Variants in IL15 observed in about 807,000 individuals in gnomAD.
IL15 encodes the protein interleukin-15.
IL15 carries 11 observed loss-of-function variants against 19.6 expected under a neutral mutation model. The observed-to-expected ratio is 0.56, with a 90% confidence interval of 0.35 to 0.93. IL15 has a LOEUF of 0.93. IL15 is among the 40% of genes least tolerant of loss of function. The pLI is 0.01. For synonymous variants in IL15, 58 were observed against 59.6 expected, an observed-to-expected ratio of 0.97 and a Z score of 0.12; for missense variants, 197 against 186.5, an observed-to-expected ratio of 1.06 and a Z score of -0.33.
intron 7 of IL15, among the ~76,000 whole-genome samples, chr4:141,731,961 T>G (rs944248277): frequency 6.6e-6 from 1 of 152,190 alleles, no homozygotes; most frequent in Non-Finnish European, 1.5e-5. Context: ...ATGGCTCAGT[T>G]CAACCAATGG....
intron 1 of IL15, among the ~76,000 whole-genome samples, chr4:141,638,981 C>T (rs185921243): frequency 6.6e-6 from 1 of 152,298 alleles, no homozygotes; most frequent in Non-Finnish European, 1.5e-5. Flanking sequence ...GTTAGCTGAT[C>T]ATAATACAGA....
chr4:141,691,734 C>T (rs923885594), intron 2 of IL15, among the ~76,000 whole-genome samples: 1 of 152,212 alleles, frequency 6.6e-6, no homozygotes, highest in African/African-American at 2.4e-5. Context: ...AGACCTTGGG[C>T]ATCCCTACTG....
chr4:141,665,221 C>T (rs931039191), intron 2 of IL15, among the ~76,000 whole-genome samples: 5 of 152,012 alleles, frequency 3.3e-5, no homozygotes, highest in African/African-American at 1.2e-4. Context: ...CCTGTGTTGA[C>T]TTTTTAAGAA....
At chr4:141,682,825 G>A (rs1044080363) in intron 2 of IL15, among the ~76,000 whole-genome samples, 2 of 152,148 alleles carry the variant, frequency 1.3e-5, no homozygotes, top group African/African-American at 2.4e-5. Context: ...GGGTGTGGTG[G>A]CGGGCGCCTG....
At chr4:141,638,033 G>C (rs1423802764) in intron 1 of IL15, among the ~76,000 whole-genome samples, 1 of 152,146 alleles carries the variant, frequency 6.6e-6, no homozygotes, top group African/African-American at 2.4e-5. Flanking sequence ...CCAGTTTATA[G>C]TGAGCTATAT....
chr4:141,653,546 A>G (rs1727485368), intron 1 of IL15, among the ~76,000 whole-genome samples: 1 of 152,028 alleles, frequency 6.6e-6, no homozygotes, highest in Admixed American at 6.6e-5. Context: ...ATATTTAACC[A>G]TCCCCCTTTC....
chr4:141,675,150 GA>G (rs112525176), intron 2 of IL15, among the ~76,000 whole-genome samples: 5,900 of 139,510 alleles, frequency 0.042, 382 homozygotes, highest in African/African-American at 0.15. Flanking sequence ...GAGACAATTT[GA>G]AAAAAAAAAA....
At chr4:141,683,027 T>C (rs1484490762) in intron 2 of IL15, among the ~76,000 whole-genome samples, 1 of 150,904 alleles carries the variant, frequency 6.6e-6, no homozygotes, top group Non-Finnish European at 1.5e-5. Flanking sequence ...TCTCAACACT[T>C]TGGGAGGCTG....
Position 141,729,911 on chromosome 4 carries a change from C to A in IL15, c.305C>A (p.Ser102Tyr). Residue 102 changes from serine to tyrosine, a missense_variant, in exon 7 of 8, where the codon TCC becomes TAC. Ser to Tyr is a moderately radical substitution (Grantham distance 144). Transcript: ENST00000320650. ...LLELQVISLE[S>Y]GDASIHDTVE... ...GAGTTACAAGTTATTTCACTTGAGT[C>A]CGGAGATGCAAGTATTCATGATACA... The A allele has an allele frequency of 1.3e-6, 2 of 1,585,782 alleles. No homozygotes were observed. The highest frequency in any genetic ancestry group is 1.7e-6 in the Non-Finnish European group (2 of 1,154,354).
At chr4:141,706,539 T>C (rs1729522500) in intron 2 of IL15, among the ~76,000 whole-genome samples, 1 of 152,118 alleles carries the variant, frequency 6.6e-6, no homozygotes, top group Non-Finnish European at 1.5e-5. Context: ...ACGTTTTTAT[T>C]ATAGTAATAA....
chr4:141,732,599 A>G, intron 7 of IL15, 139 bp from the exon 8 acceptor site: 2 of 1,103,470 alleles, frequency 1.8e-6, no homozygotes. Flanking sequence ...AGTTCTTCCT[A>G]ATATGCTATT....
chr4:141,703,736 GAAAAAA>G (rs569683867), intron 2 of IL15, among the ~76,000 whole-genome samples: 1 of 92,800 alleles, frequency 1.1e-5, no homozygotes, highest in Admixed American at 1.3e-4. Flanking sequence ...CTGCTATCTT[GAAAAAA>G]AAAAAAAAAA....
intron 2 of IL15, among the ~76,000 whole-genome samples, chr4:141,714,264 C>T (rs1266372822): frequency 6.6e-6 from 1 of 152,110 alleles, no homozygotes; most frequent in Non-Finnish European, 1.5e-5. Context: ...GATGACTCAG[C>T]CCTCGCCCCC....
intron 2 of IL15, among the ~76,000 whole-genome samples, chr4:141,697,877 A>G (rs1729155390): frequency 6.6e-6 from 1 of 152,020 alleles, no homozygotes; most frequent in Non-Finnish European, 1.5e-5. Flanking sequence ...TACTATGTTA[A>G]ATAGAAATGG....
At chr4:141,693,440 C>T (rs1309933901) in intron 2 of IL15, among the ~76,000 whole-genome samples, 1 of 152,136 alleles carries the variant, frequency 6.6e-6, no homozygotes, top group African/African-American at 2.4e-5. Flanking sequence ...ACTTTTGTAA[C>T]CATAGTGCCT....
intron 5 of IL15, among the ~76,000 whole-genome samples, chr4:141,725,891 A>G (rs1272940599): frequency 1.3e-5 from 2 of 152,168 alleles, no homozygotes; most frequent in Non-Finnish European, 2.9e-5. Flanking sequence ...TTCAAGGTTG[A>G]GGAGCCACAT....
At chr4:141,644,869 A>T (rs112887866) in intron 1 of IL15, among the ~76,000 whole-genome samples, 13 of 152,294 alleles carry the variant, frequency 8.5e-5, no homozygotes, top group African/African-American at 3.1e-4. Context: ...ATATATCCCA[A>T]GTTCTTGCTC....
At chr4:141,691,284 A>T (rs1728902822) in intron 2 of IL15, among the ~76,000 whole-genome samples, 1 of 152,170 alleles carries the variant, frequency 6.6e-6, no homozygotes, top group Non-Finnish European at 1.5e-5. Flanking sequence ...ACATGTGGGG[A>T]TTACAATTCA....
At chr4:141,722,973 GA>G (rs1000512741) in intron 5 of IL15, among the ~76,000 whole-genome samples, 3 of 149,936 alleles carry the variant, frequency 2.0e-5, no homozygotes, top group South Asian at 2.1e-4. Flanking sequence ...GTTGACTTAA[GA>G]AAAAAAAAGC....
Sources: allele counts gnomAD v4.1 joint callset (sites outside exome capture counted in the v4.1 genomes callset), GRCh38; gene constraint gnomAD v4.1.1; transcripts MANE v1.5; gene names NCBI Gene and HGNC (gene_info 2026-07-23, HGNC 2026-07-21).